Variants in THADA observed in about 807,000 individuals in gnomAD.
THADA encodes THADA armadillo repeat containing.
THADA carries 213 observed loss-of-function variants against 219.8 expected under a neutral mutation model. The observed-to-expected ratio is 0.97, with a 90% CI of 0.87 to 1.09. THADA has a LOEUF of 1.09. Ranked by LOEUF, THADA falls within the 50% of genes least tolerant of loss-of-function variation. THADA has a pLI of 0.00. For synonymous variants in THADA, 1,018 were observed against 828.9 expected, an observed-to-expected ratio of 1.23 and a Z score of -3.92; for missense variants, 2,956 against 2,311.3, an observed-to-expected ratio of 1.28 and a Z score of -5.72.
chr2:43,266,979 T>A (rs1218448327), intron 36 of THADA, among the ~76,000 whole-genome samples: 1 of 152,150 alleles, frequency 6.6e-6, no homozygotes, highest in African/African-American at 2.4e-5. Flanking sequence ...CTACTAAGTG[T>A]TTTCTTCCTT....
chr2:43,317,245 T>C (rs1364666079), intron 31 of THADA, among the ~76,000 whole-genome samples: 2 of 152,192 alleles, frequency 1.3e-5, no homozygotes, highest in Non-Finnish European at 2.9e-5. Context: ...ATAAACACCT[T>C]GCTTGAATTC....
chr2:43,490,860 G>A (rs957471785), intron 25 of THADA, among the ~76,000 whole-genome samples: 10 of 152,104 alleles, frequency 6.6e-5, no homozygotes, highest in Middle Eastern at 3.2e-3. Context: ...GGGGGTCTTG[G>A]AATGCATCCT....
chr2:43,231,365 A>G, intron 37 of THADA, 22 bp from the exon 38 acceptor site: 3 of 1,495,656 alleles, frequency 2.0e-6, no homozygotes, highest in Non-Finnish European at 1.8e-6. Context: ...GAAAAAGCCG[A>G]AAGTCAGTCT....
intron 30 of THADA, among the ~76,000 whole-genome samples, chr2:43,321,625 T>C (rs1021375092): frequency 2.6e-5 from 4 of 152,198 alleles, no homozygotes. Context: ...CCTTCAGCCT[T>C]CCACCATGGG....
chr2:43,376,820 T>G (rs1057312998), intron 29 of THADA, among the ~76,000 whole-genome samples: 1 of 152,166 alleles, frequency 6.6e-6, no homozygotes. Context: ...GGAATTAAGA[T>G]TCATGGGGTC....
intron 29 of THADA, among the ~76,000 whole-genome samples, chr2:43,360,365 C>T (rs6732426): frequency 0.53 from 80,552 of 152,032 alleles, 22,612 homozygotes; most frequent in African/African-American, 0.67. Context: ...TGTAAGGCAA[C>T]AGTTAACTCA....
intron 28 of THADA, among the ~76,000 whole-genome samples, chr2:43,404,806 A>T (rs1455004154): frequency 6.6e-6 from 1 of 152,222 alleles, no homozygotes; most frequent in Non-Finnish European, 1.5e-5. Flanking sequence ...GTGTGACTTT[A>T]GATAAGTCAG....
chr2:43,356,315 T>C (rs1214854614), intron 29 of THADA, among the ~76,000 whole-genome samples: 1 of 152,064 alleles, frequency 6.6e-6, no homozygotes, highest in Non-Finnish European at 1.5e-5. Flanking sequence ...AAAAAGAAAC[T>C]ATAAAAATGC....
At chr2:43,258,958 G>A (rs1670644006) in intron 36 of THADA, among the ~76,000 whole-genome samples, 1 of 152,168 alleles carries the variant, frequency 6.6e-6, no homozygotes. Flanking sequence ...GCCTGTGTGA[G>A]GCCTCCTGAA....
intron 13 of THADA, among the ~76,000 whole-genome samples, 152 bp downstream of exon 13, chr2:43,571,553 TGA>T (rs1279067270): frequency 1.3e-5 from 2 of 152,086 alleles, no homozygotes; most frequent in African/African-American, 4.8e-5. Context: ...CTTTATGGAA[TGA>T]GAGAACAGGT....
chr2:43,575,034 A>C lies in THADA; in HGVS notation c.1038-7T>G. ...CAGCGTTGGCTCTTTAATCCTGAAG[A>C]AAAATGAGCCATGAGCCATTATTGT... On this transcript the variant is annotated splice_polypyrimidine_tract_variant and splice_region_variant and intron_variant, in intron 10 of 37. Transcript: ENST00000405975. The C allele has an allele frequency of 6.3e-7, 1 of 1,588,142 alleles. No homozygotes were observed. The highest frequency in any genetic ancestry group is 8.6e-7 in the Non-Finnish European group (1 of 1,168,528).
chr2:43,368,644 T>C (rs1439234414), intron 29 of THADA, among the ~76,000 whole-genome samples: 2 of 152,000 alleles, frequency 1.3e-5, no homozygotes, highest in African/African-American at 4.8e-5. Context: ...GTGATCCTCT[T>C]GTCTCAGGCT....
chr2:43,361,890 C>A (rs987272567), intron 29 of THADA, among the ~76,000 whole-genome samples: 1 of 152,022 alleles, frequency 6.6e-6, no homozygotes, highest in African/African-American at 2.4e-5. Context: ...ATCTGGTGAC[C>A]CTTGAAGGTA....
intron 29 of THADA, among the ~76,000 whole-genome samples, chr2:43,351,909 G>A (rs1668310824): frequency 6.6e-6 from 1 of 152,158 alleles, no homozygotes; most frequent in South Asian, 2.1e-4. Context: ...CTTGTCAAGG[G>A]CCCCCAACAA....
intron 10 of THADA, 76 bp from the exon 11 acceptor site, chr2:43,575,103 T>C: frequency 9.1e-7 from 1 of 1,102,062 alleles, no homozygotes; most frequent in Non-Finnish European, 1.3e-6. Flanking sequence ...CAATTTAGAC[T>C]TTAAAAATAT....
At chr2:43,560,680 A>C (rs1245343045) in intron 15 of THADA, among the ~76,000 whole-genome samples, 1 of 152,210 alleles carries the variant, frequency 6.6e-6, no homozygotes, top group Non-Finnish European at 1.5e-5. Flanking sequence ...TAAATTTAGA[A>C]ACACATCTTT....
intron 29 of THADA, among the ~76,000 whole-genome samples, chr2:43,392,287 A>G (rs899970509): frequency 6.6e-6 from 1 of 152,216 alleles, no homozygotes; most frequent in Non-Finnish European, 1.5e-5. Flanking sequence ...ATATTTAATC[A>G]CAAGTTTTGA....
intron 22 of THADA, among the ~76,000 whole-genome samples, chr2:43,512,740 G>A (rs983449800): frequency 6.6e-6 from 1 of 152,324 alleles, no homozygotes; most frequent in East Asian, 1.9e-4. Context: ...AACCTCAGGT[G>A]ATCCGCCTGC....
chr2:43,397,505 G>A (rs758447961), intron 29 of THADA, among the ~76,000 whole-genome samples: 4 of 152,020 alleles, frequency 2.6e-5, no homozygotes, highest in Non-Finnish European at 5.9e-5. Context: ...GAGAAAACAG[G>A]AAAGGTTCAA....
Sources: gnomAD v4.1 joint callset for allele counts (sites outside exome capture counted in the v4.1 genomes callset) on GRCh38, gnomAD v4.1.1 for gene constraint, MANE v1.5 for transcripts, NCBI Gene and HGNC (gene_info 2026-07-23, HGNC 2026-07-21) for gene names.